TNFAIP8: variants seen among roughly 807,000 people sequenced by gnomAD.
The protein encoded by TNFAIP8 is tumor necrosis factor alpha-induced protein 8.
In TNFAIP8, 7 loss-of-function variants were observed where a neutral mutation model predicts 13.3. The ratio of observed to expected loss-of-function variants is 0.52; its 90% CI spans 0.30 to 0.99. TNFAIP8 has a LOEUF of 0.99. Among genes scored for constraint, TNFAIP8 ranks in the 50% least tolerant of loss-of-function variants. The pLI is 0.07. For synonymous variants in TNFAIP8, 94 were observed against 87.6 expected (o/e 1.07, Z -0.41); for missense variants, 258 against 236.9 (o/e 1.09, Z -0.58).
chr5:119,292,661 T>TATAG (rs1749025414), intron 1 of TNFAIP8, among the ~76,000 whole-genome samples: 1 of 43,146 alleles, frequency 2.3e-5, no homozygotes, highest in Non-Finnish European at 6.2e-5. Flanking sequence ...TATATATATA[T>TATAG]ATATATATAT....
intron 1 of TNFAIP8, among the ~76,000 whole-genome samples, chr5:119,337,184 C>T (rs1412903587): frequency 1.3e-5 from 2 of 152,210 alleles, no homozygotes; most frequent in African/African-American, 4.8e-5. Flanking sequence ...CATTCTTTCC[C>T]TTCCTGTTAT....
chr5:119,288,045 C>G (rs1748857987), intron 1 of TNFAIP8, among the ~76,000 whole-genome samples: 1 of 152,022 alleles, frequency 6.6e-6, no homozygotes, highest in Non-Finnish European at 1.5e-5. Context: ...CATACTACCC[C>G]CATTACTAAG....
chr5:119,304,192 C>T (rs2112657778), intron 1 of TNFAIP8, among the ~76,000 whole-genome samples: 1 of 152,178 alleles, frequency 6.6e-6, no homozygotes, highest in South Asian at 2.1e-4. Flanking sequence ...GATCATAGCT[C>T]ACTGCAGCCC....
chr5:119,314,275 G>GT (rs1451479899), intron 1 of TNFAIP8, among the ~76,000 whole-genome samples: 1 of 152,242 alleles, frequency 6.6e-6, no homozygotes, highest in Non-Finnish European at 1.5e-5. Flanking sequence ...CTGGCCAGTG[G>GT]TAAGCACTCA....
At chr5:119,333,777 A>C in intron 1 of TNFAIP8, 3 of 745,240 alleles carry the variant, frequency 4.0e-6, no homozygotes, top group South Asian at 1.7e-5. Context: ...TCAACAAATC[A>C]CTGTTTTGTT....
At chr5:119,324,124 A>T (rs1750141763) in intron 1 of TNFAIP8, among the ~76,000 whole-genome samples, 1 of 151,832 alleles carries the variant, frequency 6.6e-6, no homozygotes, top group East Asian at 1.9e-4. Flanking sequence ...AAAATTCAAA[A>T]ATTAGCCAGG....
At chr5:119,278,376 A>AGAGTGTGTGTGT (rs760411484) in intron 1 of TNFAIP8, among the ~76,000 whole-genome samples, 2 of 108,190 alleles carry the variant, frequency 1.8e-5, no homozygotes, top group East Asian at 2.9e-4. Context: ...AGAGAGAGAG[A>AGAGTGTGTGTGT]GTGTGTGTGT....
intron 1 of TNFAIP8, 113 bp downstream of exon 1, chr5:119,356,234 T>C (rs6595185): frequency 3.0e-6 from 3 of 990,528 alleles, no homozygotes; most frequent in South Asian, 1.7e-5. Flanking sequence ...CTTTGTCCGC[T>C]TGCCCTGCGC....
chr5:119,275,300 G>A (rs1395881453), intron 1 of TNFAIP8, among the ~76,000 whole-genome samples: 3 of 152,096 alleles, frequency 2.0e-5, no homozygotes, highest in Non-Finnish European at 4.4e-5. Flanking sequence ...ACATTGGAGA[G>A]TCTGCCCAGT....
intron 1 of TNFAIP8, among the ~76,000 whole-genome samples, chr5:119,332,728 G>A (rs1750423899): frequency 6.6e-6 from 1 of 152,186 alleles, no homozygotes; most frequent in African/African-American, 2.4e-5. Context: ...AATCTTACTT[G>A]GGGGAGTGGA....
chr5:119,338,632 G>C (rs1224899298), intron 1 of TNFAIP8, among the ~76,000 whole-genome samples: 2 of 152,230 alleles, frequency 1.3e-5, no homozygotes, highest in African/African-American at 4.8e-5. Flanking sequence ...CAGGTGTTGG[G>C]AATGTTGTAA....
intron 1 of TNFAIP8, among the ~76,000 whole-genome samples, chr5:119,370,320 G>C (rs1752024747): frequency 6.6e-6 from 1 of 152,144 alleles, no homozygotes; most frequent in Non-Finnish European, 1.5e-5. Context: ...GAGCAACAGA[G>C]AAACAATGCA....
chr5:119,283,941 G>T (rs9327095), intron 1 of TNFAIP8, among the ~76,000 whole-genome samples: 116,894 of 151,264 alleles, frequency 0.77, 46,176 homozygotes, highest in East Asian at 0.98. Flanking sequence ...CTTGTTCTTC[G>T]CCTGTTCTCA....
chr5:119,365,525 A>T (rs1325237186), intron 1 of TNFAIP8, among the ~76,000 whole-genome samples: 1 of 152,232 alleles, frequency 6.6e-6, no homozygotes, highest in African/African-American at 2.4e-5. Context: ...GAGGCTTATA[A>T]TCACACCAAA....
In TNFAIP8 at chr5:119,399,600, G is replaced by A. The variant is rs1271005516; in HGVS notation, c.*6219G>A. On this transcript the variant is annotated 3_prime_UTR_variant, in exon 2 of 2. Transcript: ENST00000504771. ...TTTTTGCTTTCAATTTAGGAAAATT[G>A]TTTTGGGTTGCATTGTTGAAAGTAA... 2 of 152,150 alleles carry A rather than the reference G, an allele frequency of 1.3e-5. No individual in the cohort carries two copies. The highest frequency in any genetic ancestry group is 6.5e-5 in the Admixed American group (1 of 15,276). The allele number at this position is 152,150 out of a possible 1,614,324, so 9.4% of individuals were successfully genotyped here. A position where few individuals can be genotyped will look rare whatever the true frequency, so the allele number is the denominator to read the frequency against.
intron 1 of TNFAIP8, among the ~76,000 whole-genome samples, chr5:119,272,349 G>C (rs1320688291): frequency 6.6e-6 from 1 of 152,142 alleles, no homozygotes; most frequent in African/African-American, 2.4e-5. Flanking sequence ...CCCTTCTCAT[G>C]TTTACATGAA....
rs150343943 is a variant in TNFAIP8 at position 119,373,467 on chromosome 5, C to G, written c.31+17346C>G. Among the ~76,000 whole-genome samples, 16 of 152,338 alleles carry G rather than the reference C, an allele frequency of 1.1e-4. No homozygotes were observed. The East Asian group carries it at 3.1e-3, about 29-fold the overall frequency. The stretch of plus-strand genomic sequence containing the variant: ...GAAAGTGACTAGGGATAAGTTAATA[C>G]TGGTACCTTCACCAGAGGAGGAGTA... On this transcript the variant is annotated intron_variant, in intron 1 of 1. Coordinates refer to ENST00000504771, the MANE Select transcript of TNFAIP8 (RefSeq NM_014350.4).
intron 1 of TNFAIP8, among the ~76,000 whole-genome samples, chr5:119,378,066 A>G (rs1207301178): frequency 6.6e-6 from 1 of 152,202 alleles, no homozygotes; most frequent in Non-Finnish European, 1.5e-5. Flanking sequence ...TGTTCAAAGA[A>G]AATCAGACAC....
intron 1 of TNFAIP8, among the ~76,000 whole-genome samples, chr5:119,343,272 C>G (rs1043424249): frequency 6.6e-6 from 1 of 152,186 alleles, no homozygotes. Flanking sequence ...GAAGGAAGTG[C>G]GTCCATTCTG....
Sources: gnomAD v4.1 joint callset for allele counts (sites outside exome capture counted in the v4.1 genomes callset) on GRCh38, gnomAD v4.1.1 for gene constraint, MANE v1.5 for transcripts, NCBI Gene and HGNC (gene_info 2026-07-23, HGNC 2026-07-21) for gene names.